The following TRAF3IP1 variants were observed in gnomAD, a reference collection of about 807,000 sequenced individuals.
TRAF3IP1 encodes intraflagellar transport 54, also known as TRAF3-interacting protein 1.
Under a neutral mutation model 89.9 loss-of-function variants are expected in TRAF3IP1, and 53 were observed. That is an observed-to-expected ratio of 0.59 (90% CI 0.47 to 0.74). The LOEUF is 0.74. TRAF3IP1 is among the 30% of genes least tolerant of loss of function. TRAF3IP1 has a pLI of 0.00. For synonymous variants in TRAF3IP1, 311 were observed against 322.1 expected (o/e 0.97, Z 0.37); for missense variants, 806 against 866.1 (o/e 0.93, Z 0.87).
chr2:238,325,385 G>T lies in TRAF3IP1; in HGVS notation c.192+11G>T. Reference sequence around the variant, plus strand: ...TCTGATAATGTGAAGGTGGGTTTGAGTCGGGCTTCTCCTATTGACTCCTCG... The same window carrying T: ...TCTGATAATGTGAAGGTGGGTTTGATTCGGGCTTCTCCTATTGACTCCTCG... On this transcript the variant is annotated intron_variant, in intron 2 of 16. Coordinates refer to ENST00000373327, the MANE Select transcript of TRAF3IP1 (RefSeq NM_015650.4). 1.2e-6 allele frequency: 2 copies of T among 1,614,108 alleles called. No homozygotes were observed. The highest frequency in any genetic ancestry group is 1.7e-4 in the Middle Eastern group (1 of 5,986).
chr2:238,335,048 A>G (rs529178483), intron 7 of TRAF3IP1, among the ~76,000 whole-genome samples: 1 of 152,228 alleles, frequency 6.6e-6, no homozygotes, highest in South Asian at 2.1e-4. Context: ...CTGGGTTCTT[A>G]CTGATTTGCT....
rs116783259 is a variant in TRAF3IP1, at chr2:238,341,354, G to A, written c.1159+2897G>A. Reference sequence around the variant, plus strand: ...ACATATTTTAATGAACTGTTTCAAAGTATGTTAAAAAAACATCCTAACACT... The same window carrying A: ...ACATATTTTAATGAACTGTTTCAAAATATGTTAAAAAAACATCCTAACACT... On this transcript the variant is annotated intron_variant, in intron 8 of 16. Transcript: ENST00000373327. Among the ~76,000 whole-genome samples, 368 of 151,852 alleles carry A rather than the reference G, an allele frequency of 2.4e-3. 2 individuals carry two copies. The highest frequency in any genetic ancestry group is 8.4e-3 in the African/African-American group (346 of 41,424).
intron 15 of TRAF3IP1, among the ~76,000 whole-genome samples, chr2:238,362,880 G>A (rs925234040): frequency 2.6e-5 from 4 of 152,230 alleles, no homozygotes; most frequent in Non-Finnish European, 5.9e-5. Context: ...CATGTGGGCC[G>A]CACACAGTGG....
rs1276492987 is a variant in TRAF3IP1, at chr2:238,379,625, C to T, written c.1690-17834C>T. 6.6e-6 allele frequency among the ~76,000 whole-genome samples: 1 copy of T among 152,312 alleles called. No individual in the cohort carries two copies. Among genetic ancestry groups the T allele is most frequent in the East Asian group, 1.9e-4 (1 of 5,180 alleles). On this transcript the variant is annotated intron_variant, in intron 15 of 16. Coordinates refer to ENST00000373327, the MANE Select transcript of TRAF3IP1 (RefSeq NM_015650.4). The surrounding 1 kb of genome is among the most constrained non-coding windows in gnomAD (Gnocchi z 4.0). ...TGCCGAGGACCTCTGACCTCATGGC[C>T]ACTTCCTGCTGCAGGTTTAGACGGT...
At chr2:238,364,191 A>G (rs923566887) in intron 15 of TRAF3IP1, among the ~76,000 whole-genome samples, 3 of 152,168 alleles carry the variant, frequency 2.0e-5, no homozygotes, top group East Asian at 3.8e-4. Flanking sequence ...AAAGAAATGC[A>G]TATTTGTAAT....
intron 15 of TRAF3IP1, among the ~76,000 whole-genome samples, chr2:238,367,431 A>T (rs1242220048): frequency 6.6e-6 from 1 of 152,088 alleles, no homozygotes; most frequent in Non-Finnish European, 1.5e-5. Flanking sequence ...GACATCATGA[A>T]ATTGTTAAAA....
intron 15 of TRAF3IP1, among the ~76,000 whole-genome samples, chr2:238,393,758 C>G (rs1023050941): frequency 2.0e-5 from 3 of 152,224 alleles, no homozygotes; most frequent in Admixed American, 1.3e-4. Flanking sequence ...AAAGCTCTCT[C>G]TGCCACTAAA....
chr2:238,389,140 A>T lies in TRAF3IP1; in HGVS notation c.1690-8319A>T, dbSNP rs1700895060. 1.3e-5 allele frequency among the ~76,000 whole-genome samples: 2 copies of T among 152,154 alleles called. 1 individual carries two copies. Among genetic ancestry groups the T allele is most frequent in the East Asian group, 3.9e-4 (2 of 5,192 alleles). ...GAGCAGTCACATCCAGCAGCGGGGC[A>T]GGGCAGCGGTCAGAGGCCTCCATTC... On this transcript the variant is annotated intron_variant, in intron 15 of 16. Coordinates refer to ENST00000373327, the MANE Select transcript of TRAF3IP1 (RefSeq NM_015650.4).
Position 238,349,427 on chromosome 2 carries a change from G to A in TRAF3IP1, c.1451+19G>A, listed in dbSNP as rs374441411. The A allele has an allele frequency of 3.2e-5, 51 of 1,611,074 alleles. No homozygotes were observed. Among genetic ancestry groups the A allele is most frequent in the Non-Finnish European group, 4.0e-5 (47 of 1,178,518 alleles). On this transcript the variant is annotated intron_variant, in intron 12 of 16. Transcript: ENST00000373327. ...TGGATAGGTAAGGCTGGCTCAGCAGGGCAGTTCCAGCCACACAGTGTGTTC... is the reference window on the plus strand; with the variant it reads ...TGGATAGGTAAGGCTGGCTCAGCAGAGCAGTTCCAGCCACACAGTGTGTTC...
In TRAF3IP1 at chr2:238,344,631, G is replaced by C. The variant is rs369132864; in HGVS notation, c.1261+33G>C. ...TGGTCCAGTTTCGCCCTTTCCTGGC[G>C]AGAGCAGAGTGAGCCCTCCAGAACC... On this transcript the variant is annotated intron_variant, in intron 9 of 16. Coordinates refer to ENST00000373327, the MANE Select transcript of TRAF3IP1 (RefSeq NM_015650.4). 1.9e-6 allele frequency: 3 copies of C among 1,587,550 alleles called. No homozygotes were observed. The African/African-American group carries it at 4.0e-5, about 21-fold the overall frequency.
chr2:238,332,422 G>A (rs1698171351), intron 5 of TRAF3IP1, among the ~76,000 whole-genome samples: 1 of 152,204 alleles, frequency 6.6e-6, no homozygotes, highest in South Asian at 2.1e-4. Flanking sequence ...ATCAGCAGAG[G>A]CGGCTAGGAG....
chr2:238,362,670 A>G (rs778809853), intron 15 of TRAF3IP1, among the ~76,000 whole-genome samples: 2 of 152,248 alleles, frequency 1.3e-5, no homozygotes, highest in Non-Finnish European at 2.9e-5. Flanking sequence ...AAAGGAGACC[A>G]TGAAGTGAAA....
At chr2:238,341,840 A>G (rs1289403847) in intron 8 of TRAF3IP1, among the ~76,000 whole-genome samples, 1 of 152,154 alleles carries the variant, frequency 6.6e-6, no homozygotes, top group East Asian at 1.9e-4. Flanking sequence ...GGAGAGAGGA[A>G]GCGCCAGTGT....
chr2:238,349,548 C>A, intron 12 of TRAF3IP1, 140 bp downstream of exon 12: 1 of 784,524 alleles, frequency 1.3e-6, no homozygotes, highest in African/African-American at 1.7e-5. Flanking sequence ...GAGGGTAGGC[C>A]CTCGCCTCAC....
At chr2:238,393,279 C>G (rs900217964) in intron 15 of TRAF3IP1, among the ~76,000 whole-genome samples, 1 of 152,202 alleles carries the variant, frequency 6.6e-6, no homozygotes, top group Non-Finnish European at 1.5e-5. Context: ...TCGCATTTCC[C>G]TAATGCCTAA....
chr2:238,323,276 G>T (rs891455005), intron 1 of TRAF3IP1, among the ~76,000 whole-genome samples: 2 of 152,088 alleles, frequency 1.3e-5, no homozygotes, highest in South Asian at 4.2e-4. Flanking sequence ...ATGGGGTTTC[G>T]CCATGTTGTC....
At chr2:238,346,181 T>C (rs1264981718) in intron 9 of TRAF3IP1, among the ~76,000 whole-genome samples, 1 of 152,108 alleles carries the variant, frequency 6.6e-6, no homozygotes, top group Non-Finnish European at 1.5e-5. Flanking sequence ...CGCACAGCCA[T>C]GAGGAAAAGA....
intron 2 of TRAF3IP1, 51 bp from the exon 3 acceptor site, chr2:238,325,758 C>T (rs1366052903): frequency 1.3e-5 from 20 of 1,537,388 alleles, no homozygotes; most frequent in Non-Finnish European, 1.8e-5. Context: ...GAAGATAATG[C>T]ACACTCTTCA....
chr2:238,384,693 TA>T, intron 15 of TRAF3IP1, among the ~76,000 whole-genome samples: 1 of 151,964 alleles, frequency 6.6e-6, no homozygotes, highest in East Asian at 1.9e-4. Context: ...TGATGTCCTT[TA>T]AAAAGGATTA....
Sources: allele counts gnomAD v4.1 joint callset (sites outside exome capture counted in the v4.1 genomes callset), GRCh38; gene constraint gnomAD v4.1.1; non-coding constraint Gnocchi (gnomAD v3.1); transcripts MANE v1.5; gene names NCBI Gene and HGNC (gene_info 2026-07-23, HGNC 2026-07-21).